Variants in NT5C3A observed in about 807,000 individuals in gnomAD.
NT5C3A encodes the protein 5'-nucleotidase, cytosolic IIIA, also known as cytosolic 5'-nucleotidase 3A.
In NT5C3A, 23 loss-of-function variants were observed where a neutral mutation model predicts 40.0. The ratio of observed to expected loss-of-function variants is 0.58; its 90% CI spans 0.41 to 0.81. NT5C3A has a LOEUF of 0.81. NT5C3A is among the 40% of genes least tolerant of loss of function. The pLI is 0.00. For missense variants in NT5C3A, 328 were observed against 403.0 expected (o/e 0.81, Z 1.59); for synonymous variants, 130 against 141.4 (o/e 0.92, Z 0.57).
At chr7:33,050,450 C>T (rs892531067) in intron 1 of NT5C3A, among the ~76,000 whole-genome samples, 2 of 152,158 alleles carry the variant, frequency 1.3e-5, no homozygotes, top group African/African-American at 4.8e-5. Context: ...CCTTAGAACC[C>T]TAACCATTTG....
Position 33,015,620 on chromosome 7 carries a change from G to A in NT5C3A, c.894+50C>T, listed in dbSNP as rs1785279072. ...GACTATGGCAACAATTGCCTATCAA[G>A]TTTCATCCTAATATTTTCTTCGAAA... On this transcript the variant is annotated intron_variant, in intron 8 of 8. Transcript: ENST00000610140. 4 of 1,237,836 alleles carry A rather than the reference G, an allele frequency of 3.2e-6. No individual in the cohort carries two copies. The East Asian group carries it at 9.3e-5, about 29-fold the overall frequency. 76.7% of individuals were successfully genotyped at this position (1,237,836 alleles called of 1,614,324 possible). A position where few individuals can be genotyped will look rare whatever the true frequency, so the allele number is the denominator to read the frequency against.
chr7:33,061,921 T>C (rs749043499), intron 1 of NT5C3A, among the ~76,000 whole-genome samples: 1 of 152,110 alleles, frequency 6.6e-6, no homozygotes, highest in Non-Finnish European at 1.5e-5. Context: ...CAATAAAAAA[T>C]TAAATTCGAA....
At position 33,062,694 on chromosome 7, in the gene NT5C3A, C is replaced by T; in HGVS notation, c.12G>A (p.Ala4=). The change falls in exon 1 of 9, where the codon GCG becomes GCA. Residue 4 remains alanine, a synonymous_variant. Coordinates refer to ENST00000610140, the MANE Select transcript of NT5C3A (RefSeq NM_001002010.5). MDR[A]AVARVGAVAS... ...CTACCGCGCCCACCCTCGCCACGGC[C>T]GCGCGGTCCATGGACGGGGCCCTCA... The T allele has an allele frequency of 6.4e-7, 1 of 1,567,424 alleles. No homozygotes were observed.
chr7:33,037,406 G>A (rs1225111012), intron 1 of NT5C3A, among the ~76,000 whole-genome samples: 1 of 152,144 alleles, frequency 6.6e-6, no homozygotes, highest in African/African-American at 2.4e-5. Flanking sequence ...TTTCAGATAA[G>A]TAAAATTTTA....
At chr7:33,018,806 C>T (rs995279496) in intron 6 of NT5C3A, among the ~76,000 whole-genome samples, 5 of 151,546 alleles carry the variant, frequency 3.3e-5, no homozygotes, top group African/African-American at 1.2e-4. Context: ...TGCACTCCAG[C>T]CTGGGTGACA....
chr7:33,041,942 ATCTAG>A (rs1312774452), intron 1 of NT5C3A, among the ~76,000 whole-genome samples: 1 of 152,198 alleles, frequency 6.6e-6, no homozygotes, highest in African/African-American at 2.4e-5. Flanking sequence ...CCTCAGAGAA[ATCTAG>A]TCTAGTAATA....
chr7:33,054,031 A>T (rs562411825), intron 1 of NT5C3A, among the ~76,000 whole-genome samples: 1 of 150,080 alleles, frequency 6.7e-6, no homozygotes, highest in South Asian at 2.1e-4. Context: ...TTGGGAATTC[A>T]AGATCATCTT....
intron 1 of NT5C3A, among the ~76,000 whole-genome samples, chr7:33,058,809 C>G (rs1375617814): frequency 6.6e-6 from 1 of 152,212 alleles, no homozygotes; most frequent in South Asian, 2.1e-4. Flanking sequence ...CACCAACATA[C>G]TTCTGTGCCA....
intron 1 of NT5C3A, among the ~76,000 whole-genome samples, chr7:33,027,522 A>T (rs1173520168): frequency 6.6e-6 from 1 of 152,212 alleles, no homozygotes; most frequent in Non-Finnish European, 1.5e-5. Flanking sequence ...TTACCACAGA[A>T]ATAACAGTAA....
In NT5C3A at chr7:33,021,271, C is replaced by A. The variant is rs753248323; in HGVS notation, c.440+1G>T. 6.2e-7 allele frequency: 1 copy of A among 1,612,096 alleles called. No homozygotes were observed. On this transcript the variant is annotated splice_donor_variant, in intron 5 of 8. Coordinates refer to ENST00000610140, the MANE Select transcript of NT5C3A (RefSeq NM_001002010.5). LOFTEE classifies it high-confidence loss of function. ...CCTCCTACTGCCTAATATACACTTA[C>A]CATTCCACCATATAAGGGTACTTCT... is the stretch of plus-strand genomic sequence containing the variant.
chr7:33,041,605 T>C (rs1029944442), intron 1 of NT5C3A, among the ~76,000 whole-genome samples: 5 of 152,200 alleles, frequency 3.3e-5, no homozygotes, highest in Admixed American at 6.5e-5. Context: ...TTTAAAGTAA[T>C]TTTTATATTT....
intron 1 of NT5C3A, among the ~76,000 whole-genome samples, chr7:33,060,521 G>A (rs1017156561): frequency 2.6e-5 from 4 of 151,952 alleles, no homozygotes; most frequent in African/African-American, 9.7e-5. Flanking sequence ...TTCAGCTGTA[G>A]CATACACAAC....
chr7:33,039,015 T>A, intron 1 of NT5C3A: 1 of 412,416 alleles, frequency 2.4e-6, no homozygotes, highest in Admixed American at 2.8e-5. Flanking sequence ...AATAATTACT[T>A]TGTGTGCTTT....
rs911736222 is a variant in NT5C3A at position 33,014,778 on chromosome 7, T to C, written c.948A>G (p.Gln316=). The C allele has an allele frequency of 6.2e-7, 1 of 1,613,084 alleles. No individual in the cohort carries two copies. The highest frequency in any genetic ancestry group is 1.3e-5 in the African/African-American group (1 of 74,932). The change falls in exon 9 of 9, where the codon CAA becomes CAG. Residue 316 remains glutamine, a synonymous_variant. Transcript: ENST00000610140. The part of the protein sequence containing the change: ...YMDSYDIVLV[Q]DESLEVANSI... ...AGTTGGCTACTTCTAATGATTCATCTTGTACTAAAACAATATCATAAGAGT... is the reference window on the plus strand; with the variant it reads ...AGTTGGCTACTTCTAATGATTCATCCTGTACTAAAACAATATCATAAGAGT...
chr7:33,035,117 C>T (rs1306631740), intron 1 of NT5C3A, among the ~76,000 whole-genome samples: 5 of 149,898 alleles, frequency 3.3e-5, no homozygotes, highest in African/African-American at 9.8e-5. Flanking sequence ...ACATAGTTGG[C>T]GGTTTCACAC....
chr7:33,038,592 T>C (rs1231426372), intron 1 of NT5C3A, among the ~76,000 whole-genome samples: 1 of 151,714 alleles, frequency 6.6e-6, no homozygotes, highest in Non-Finnish European at 1.5e-5. Flanking sequence ...TCACTAGCAA[T>C]CTGACCAGAA....
At chr7:33,036,869 T>G (rs1187101448) in intron 1 of NT5C3A, among the ~76,000 whole-genome samples, 1 of 152,202 alleles carries the variant, frequency 6.6e-6, no homozygotes, top group Non-Finnish European at 1.5e-5. Flanking sequence ...TGGAGTGCAG[T>G]GGCATGATCT....
chr7:33,033,726 G>T lies in NT5C3A; in HGVS notation c.139-6811C>A, dbSNP rs370626155. Among the ~76,000 whole-genome samples the T allele has an allele frequency of 5.3e-5, 8 of 152,014 alleles. No individual in the cohort carries two copies. In the East Asian group the frequency reaches 1.4e-3, roughly 26 times the overall value. ...GATTAGGGAGGAATCAAAGTGCAGG[G>T]TCTAATATGGGAAAAAGAGAAATAG... On this transcript the variant is annotated intron_variant, in intron 1 of 8. Coordinates refer to ENST00000610140, the MANE Select transcript of NT5C3A (RefSeq NM_001002010.5).
intron 1 of NT5C3A, among the ~76,000 whole-genome samples, chr7:33,037,149 G>A (rs1348238191): frequency 6.6e-6 from 1 of 152,178 alleles, no homozygotes; most frequent in African/African-American, 2.4e-5. Context: ...ACTAAGACAT[G>A]AGCTGTATTT....
Sources: allele counts gnomAD v4.1 joint callset (sites outside exome capture counted in the v4.1 genomes callset), GRCh38; gene constraint gnomAD v4.1.1; transcripts MANE v1.5; gene names NCBI Gene and HGNC (gene_info 2026-07-23, HGNC 2026-07-21).